ACSM1: variants seen among roughly 807,000 people sequenced by gnomAD.
ACSM1 encodes acyl-CoA synthetase medium chain family member 1.
In ACSM1, 79 loss-of-function variants were observed where a neutral mutation model predicts 75.8. The observed-to-expected ratio is 1.04, with a 90% CI of 0.87 to 1.26. The LOEUF (loss-of-function observed/expected upper bound fraction) is 1.26. Ranked by LOEUF, ACSM1 falls within the 50% of genes most tolerant of loss-of-function variation. The pLI is 0.00. For missense variants in ACSM1, 676 were observed against 720.1 expected (o/e 0.94, Z 0.70); for synonymous variants, 279 against 265.8 (o/e 1.05, Z -0.48).
chr16:20,650,487 A>G (rs163265), intron 7 of ACSM1, among the ~76,000 whole-genome samples: 50,514 of 151,718 alleles, frequency 0.33, 9,788 homozygotes, highest in East Asian at 0.64. Flanking sequence ...GTGCATATAA[A>G]GGCTGATTAC....
chr16:20,635,172 G>GT (rs1479332890), intron 10 of ACSM1, among the ~76,000 whole-genome samples: 1 of 152,056 alleles, frequency 6.6e-6, no homozygotes, highest in Non-Finnish European at 1.5e-5. Flanking sequence ...AGGCAGGGGG[G>GT]TTACTTGTGC....
Position 20,648,018 on chromosome 16 carries a change from G to T in ACSM1, c.993-7434C>A, listed in dbSNP as rs941589454. On this transcript the variant is annotated intron_variant, in intron 7 of 13. Transcript: ENST00000520010. The surrounding 1 kb of genome is among the most constrained non-coding windows in gnomAD (Gnocchi z 4.2). ...AAATAGCATGGGCTCCCAGAGCTCA[G>T]GAACTTTGCAGCCTCCACAGTCGCG... Among the ~76,000 whole-genome samples, 1 of 152,152 alleles carries T rather than the reference G, an allele frequency of 6.6e-6. No individual in the cohort carries two copies. The highest frequency in any genetic ancestry group is 2.4e-5 in the African/African-American group (1 of 41,430).
intron 7 of ACSM1, 70 bp from the exon 8 acceptor site, chr16:20,640,654 T>C (rs1391739930): frequency 6.2e-7 from 1 of 1,601,436 alleles, no homozygotes; most frequent in Non-Finnish European, 8.5e-7. Context: ...CTCTTAAGTC[T>C]GTCACCCAGA....
chr16:20,695,322 T>G (rs1018144870), intron 1 of ACSM1, among the ~76,000 whole-genome samples: 2 of 152,166 alleles, frequency 1.3e-5, no homozygotes, highest in Non-Finnish European at 2.9e-5. Flanking sequence ...GAAGCCATGG[T>G]GATAAATGCA....
chr16:20,682,157 A>G, intron 4 of ACSM1, 99 bp downstream of exon 4: 1 of 1,194,336 alleles, frequency 8.4e-7, no homozygotes, highest in Non-Finnish European at 1.2e-6. Flanking sequence ...GCACCTAAAT[A>G]ATAAATACAT....
chr16:20,625,565 G>C (rs748099529), intron 11 of ACSM1, 43 bp from the exon 12 acceptor site: 1 of 1,560,432 alleles, frequency 6.4e-7, no homozygotes. Context: ...GGGCTGGGGT[G>C]AACCAAGTCC....
chr16:20,682,444 C>A lies in ACSM1; in HGVS notation c.423G>T (p.Ala141=). ...TGTCTTTGGCCTTCAACAGGATGGTCGCAGGAATGAAGATGATCCCTGGGG... is the reference window on the plus strand; with the variant it reads ...TGTCTTTGGCCTTCAACAGGATGGTAGCAGGAATGAAGATGATCCCTGGGG... ...CMRTGIIFIP[A]TILLKAKDIL... is the part of the protein sequence containing the mutation. Residue 141 remains alanine, a synonymous_variant, in exon 4 of 14, where the codon GCG becomes GCT. Transcript: ENST00000520010. 1.2e-6 allele frequency: 2 copies of A among 1,613,364 alleles called. No homozygotes were observed. Among genetic ancestry groups the A allele is most frequent in the South Asian group, 2.2e-5 (2 of 90,834 alleles).
At position 20,671,567 on chromosome 16, in the gene ACSM1, G is replaced by A. The variant is rs199838706; in HGVS notation, c.716C>T (p.Ser239Phe). Reference sequence around the variant, plus strand: ...GGAGGGTTGTAAGGCCAACCCATGGGAGTGTTTTGCCATCTTGGGGAAGCC... The same window carrying A: ...GGAGGGTTGTAAGGCCAACCCATGGAAGTGTTTTGCCATCTTGGGGAAGCC... ...TTGFPKMAKH[S>F]HGLALQPSFP... Residue 239 changes from serine to phenylalanine, a missense_variant, in exon 5 of 14, where the codon TCC becomes TTC. Coordinates refer to ENST00000520010, the MANE Select transcript of ACSM1 (RefSeq NM_001318890.3). 8.1e-6 allele frequency: 13 copies of A among 1,613,590 alleles called. No individual in the cohort carries two copies. The highest frequency in any genetic ancestry group is 1.1e-5 in the Non-Finnish European group (13 of 1,179,860).
At chr16:20,667,065 C>G (rs996275144) in intron 6 of ACSM1, among the ~76,000 whole-genome samples, 1 of 152,040 alleles carries the variant, frequency 6.6e-6, no homozygotes, top group East Asian at 1.9e-4. Flanking sequence ...GTCCCCAAAA[C>G]CAATTGCATC....
At chr16:20,637,317 G>C (rs909630268) in intron 9 of ACSM1, 54 bp downstream of exon 9, 1 of 1,467,386 alleles carries the variant, frequency 6.8e-7, no homozygotes. Flanking sequence ...GTGTCAAATT[G>C]TCCAACCCCC....
chr16:20,673,239 G>T (rs2020068217), intron 4 of ACSM1, among the ~76,000 whole-genome samples: 1 of 151,828 alleles, frequency 6.6e-6, no homozygotes, highest in Admixed American at 6.6e-5. Context: ...CCTGGACTGA[G>T]AGGGCCTTGG....
chr16:20,685,335 G>A lies in ACSM1; in HGVS notation c.261C>T (p.Ser87=). 1 of 1,614,184 alleles carries A rather than the reference G, an allele frequency of 6.2e-7. No individual in the cohort carries two copies. Among genetic ancestry groups the A allele is most frequent in the Non-Finnish European group, 8.5e-7 (1 of 1,180,022 alleles). ...GGGTTAGGTCTCCCATCTCTCTGAA[G>A]CTCCACTTTACTTCATCCCCTTGGC... ...VNGQGDEVKW[S]FREMGDLTRR... Residue 87 remains serine (S), a synonymous_variant, in exon 3 of 14, where the codon AGC becomes AGT. Coordinates refer to ENST00000520010, the MANE Select transcript of ACSM1 (RefSeq NM_001318890.3).
intron 4 of ACSM1, chr16:20,681,670 T>C (rs1296389668): frequency 1.3e-5 from 2 of 153,180 alleles, no homozygotes; most frequent in African/African-American, 2.4e-5. Flanking sequence ...AGGTGGCAAA[T>C]AGTGGTGCTT....
chr16:20,640,016 C>G (rs1334172505), intron 8 of ACSM1, among the ~76,000 whole-genome samples: 1 of 152,208 alleles, frequency 6.6e-6, no homozygotes, highest in Non-Finnish European at 1.5e-5. Context: ...TCAAACAGTT[C>G]TGCTAAATTT....
chr16:20,666,562 T>C (rs902493781), intron 6 of ACSM1, among the ~76,000 whole-genome samples: 2 of 152,234 alleles, frequency 1.3e-5, no homozygotes, highest in Non-Finnish European at 2.9e-5. Flanking sequence ...TAAAGCAATT[T>C]ATAGATTCAA....
intron 10 of ACSM1, among the ~76,000 whole-genome samples, chr16:20,632,045 C>G (rs1300085998): frequency 6.6e-6 from 1 of 152,142 alleles, no homozygotes; most frequent in South Asian, 2.1e-4. Flanking sequence ...CCCATGCTCA[C>G]GATATAATCA....
At chr16:20,645,680 A>G (rs1190362319) in intron 7 of ACSM1, among the ~76,000 whole-genome samples, 1 of 152,226 alleles carries the variant, frequency 6.6e-6, no homozygotes, top group East Asian at 1.9e-4. Context: ...ATGACAACAG[A>G]GGAAAGAGAA....
At chr16:20,630,097 A>G (rs2017249699) in intron 10 of ACSM1, among the ~76,000 whole-genome samples, 3 of 151,056 alleles carry the variant, frequency 2.0e-5, no homozygotes, top group Admixed American at 2.0e-4. Flanking sequence ...GGGTTGTTAT[A>G]CTAATATCCG....
At chr16:20,676,060 C>G (rs1359366550) in intron 4 of ACSM1, 1 of 152,242 alleles carries the variant, frequency 6.6e-6, no homozygotes, top group Non-Finnish European at 1.5e-5. Context: ...CAATCTACCT[C>G]CCTTTACCAA....
Sources: gnomAD v4.1 joint callset for allele counts (sites outside exome capture counted in the v4.1 genomes callset) on GRCh38, gnomAD v4.1.1 for gene constraint, Gnocchi (gnomAD v3.1) non-coding constraint, MANE v1.5 for transcripts, NCBI Gene and HGNC (gene_info 2026-07-23, HGNC 2026-07-21) for gene names.